LGALSL: variants seen among roughly 807,000 people sequenced by gnomAD.
LGALSL encodes the protein galectin-related protein.
LGALSL carries 13 observed loss-of-function variants against 19.5 expected under a neutral mutation model. The ratio of observed to expected loss-of-function variants is 0.67; its 90% CI spans 0.43 to 1.06. The LOEUF (loss-of-function observed/expected upper bound fraction) is 1.06. Ranked by LOEUF, LGALSL falls within the 50% of genes least tolerant of loss-of-function variation. LGALSL has a pLI of 0.00. For missense variants in LGALSL, 189 were observed against 219.3 expected, an observed-to-expected ratio of 0.86 and a Z score of 0.87; for synonymous variants, 86 against 78.3, an observed-to-expected ratio of 1.10 and a Z score of -0.52.
At position 64,454,472 on chromosome 2, in the gene LGALSL, G is replaced by T; in HGVS notation, c.-74G>T. 1.5e-6 allele frequency: 1 copy of T among 676,616 alleles called. No homozygotes were observed. The highest frequency in any genetic ancestry group is 1.9e-6 in the Non-Finnish European group (1 of 513,868). The allele number at this position is 676,616 out of a possible 1,614,324, so 41.9% of individuals were successfully genotyped here. Reference sequence around the variant, plus strand: ...AGCTCGGACCCGCGCCCCCGCCCCCGCCCCGCGCAGGACAGCCCCGGGATC... The same window carrying T: ...AGCTCGGACCCGCGCCCCCGCCCCCTCCCCGCGCAGGACAGCCCCGGGATC... On this transcript the variant is annotated 5_prime_UTR_variant, in exon 1 of 5. Transcript: ENST00000238875. The surrounding 1 kb of genome is among the most constrained non-coding windows in gnomAD (Gnocchi z 5.1).
At position 64,454,505 on chromosome 2, in the gene LGALSL, G is replaced by GCGCGCCGCGTCCCACGTAC; in HGVS notation, c.-39_-21dup. 1.5e-6 allele frequency: 2 copies of GCGCGCCGCGTCCCACGTAC among 1,318,410 alleles called. No homozygotes were observed. The highest frequency in any genetic ancestry group is 2.0e-6 in the Non-Finnish European group (2 of 1,023,522). 81.7% of individuals were successfully genotyped at this position (1,318,410 alleles called of 1,614,324 possible). A position where few individuals can be genotyped will look rare whatever the true frequency, so the allele number is the denominator to read the frequency against. On this transcript the variant is annotated 5_prime_UTR_variant, in exon 1 of 5. Transcript: ENST00000238875. This position sits in a 1 kb window ranked among gnomAD's most constrained non-coding sequence, Gnocchi z 5.1. ...CAGGACAGCCCCGGGATCCCCGCCC[G>GCGCGCCGCGTCCCACGTAC]CGCGCCGCGTCCCACGTACCCCGCC...
In LGALSL at chr2:64,454,253, C is replaced by T; in HGVS notation, c.-293C>T. Reference sequence around the variant, plus strand: ...CTCGCCACTTTTCTTGGTCGGGCAGCGGCAGCGGCAGCGGCAGCAAGCAGC... The same window carrying T: ...CTCGCCACTTTTCTTGGTCGGGCAGTGGCAGCGGCAGCGGCAGCAAGCAGC... On this transcript the variant is annotated 5_prime_UTR_variant, in exon 1 of 5. Transcript: ENST00000238875. The surrounding 1 kb of genome is among the most constrained non-coding windows in gnomAD (Gnocchi z 5.1). 2.8e-6 allele frequency: 1 copy of T among 363,332 alleles called. No individual in the cohort carries two copies. Among genetic ancestry groups the T allele is most frequent in the Non-Finnish European group, 4.8e-6 (1 of 209,696 alleles). The allele number at this position is 363,332 out of a possible 1,614,324, so 22.5% of individuals were successfully genotyped here. A position where few individuals can be genotyped will look rare whatever the true frequency, so the allele number is the denominator to read the frequency against.
chr2:64,454,580 T>G lies in LGALSL; in HGVS notation c.35T>G (p.Val12Gly), dbSNP rs770407776. 1.3e-5 allele frequency: 19 copies of G among 1,446,060 alleles called. No individual in the cohort carries two copies. The highest frequency in any genetic ancestry group is 9.6e-5 in the South Asian group (7 of 72,594). The allele number at this position is 1,446,060 out of a possible 1,614,324, so 89.6% of individuals were successfully genotyped here. A position where few individuals can be genotyped will look rare whatever the true frequency, so the allele number is the denominator to read the frequency against. The change falls in exon 1 of 5, where the codon GTG becomes GGG. Residue 12 changes from valine to glycine, a missense_variant and splice_region_variant. Physicochemically the swap from Val to Gly is moderately radical, Grantham distance 109. This residue lies in a region of LGALSL where 62 missense variants were observed against 49.0 expected (regional missense o/e 1.27). Transcript: ENST00000238875. The surrounding 1 kb of genome is among the most constrained non-coding windows in gnomAD (Gnocchi z 5.1). ...AGSVADSDAVVKLDDGHLNNS... is the reference protein window; with the variant it reads ...AGSVADSDAVGKLDDGHLNNS... Reference sequence around the variant, plus strand: ...TCAGTGGCCGACAGCGATGCCGTGGTGGTGAGTGTGGCAGGGCGCGCGCGA... The same window carrying G: ...TCAGTGGCCGACAGCGATGCCGTGGGGGTGAGTGTGGCAGGGCGCGCGCGA...
chr2:64,459,900 T>C lies in LGALSL; in HGVS notation c.*1472T>C, dbSNP rs886471815. 5 of 152,182 alleles carry C rather than the reference T, an allele frequency of 3.3e-5. No homozygotes were observed. The highest frequency in any genetic ancestry group is 7.4e-5 in the Non-Finnish European group (5 of 68,024). The allele number at this position is 152,182 out of a possible 1,614,324, so 9.4% of individuals were successfully genotyped here. A position where few individuals can be genotyped will look rare whatever the true frequency, so the allele number is the denominator to read the frequency against. ...CCTTGGCATTGCTTTGATCAGGTAG[T>C]GAGGGAAGACAGGGTTCTGGGGTGG... On this transcript the variant is annotated 3_prime_UTR_variant, in exon 5 of 5. Transcript: ENST00000238875.
In LGALSL at chr2:64,461,049, T is replaced by C. The variant is rs1201146534; in HGVS notation, c.*2621T>C. The C allele has an allele frequency of 2.6e-5, 4 of 152,170 alleles. No homozygotes were observed. The highest frequency in any genetic ancestry group is 6.5e-5 in the Admixed American group (1 of 15,272). The allele number at this position is 152,170 out of a possible 1,614,324, so 9.4% of individuals were successfully genotyped here. A position where few individuals can be genotyped will look rare whatever the true frequency, so the allele number is the denominator to read the frequency against. ...CCAGAAGTATTTTAAAATTATTATTTAAAATTTTGAAGCCCCATTTCAAAT... is the reference window on the plus strand; with the variant it reads ...CCAGAAGTATTTTAAAATTATTATTCAAAATTTTGAAGCCCCATTTCAAAT... On this transcript the variant is annotated 3_prime_UTR_variant, in exon 5 of 5. Transcript: ENST00000238875.
In LGALSL at chr2:64,456,206, GGAA is replaced by G. The variant is rs561686964; in HGVS notation, c.198-75_198-73del. 1.7e-4 allele frequency: 208 copies of G among 1,255,704 alleles called. No homozygotes were observed. The East Asian group carries it at 4.6e-3, about 28-fold the overall frequency. 77.8% of individuals were successfully genotyped at this position (1,255,704 alleles called of 1,614,324 possible). A position where few individuals can be genotyped will look rare whatever the true frequency, so the allele number is the denominator to read the frequency against. On this transcript the variant is annotated intron_variant, in intron 3 of 4. Transcript: ENST00000238875. ...CTTAAAAATGGACAAACCCAGAGGAGGAAGAAGAAATATAAGCACTTGGGTCAT... is the reference window on the plus strand; with the variant it reads ...CTTAAAAATGGACAAACCCAGAGGAGGAAGAAATATAAGCACTTGGGTCAT...
Position 64,454,912 on chromosome 2 carries a change from C to G in LGALSL, c.36+331C>G, listed in dbSNP as rs576475753. On this transcript the variant is annotated intron_variant, in intron 1 of 4. Transcript: ENST00000238875. This position sits in a 1 kb window ranked among gnomAD's most constrained non-coding sequence, Gnocchi z 5.1. ...CCGGGGCGCGCGCCCCGCCACCGCC[C>G]CCGACGTACCGGGGATTCCCCCTTG... Among the ~76,000 whole-genome samples the G allele has an allele frequency of 1.6e-4, 24 of 152,226 alleles. 1 individual carries two copies. In the East Asian group the frequency reaches 4.6e-3, roughly 29 times the overall value.
Position 64,456,860 on chromosome 2 carries a change from A to G in LGALSL, c.375+395A>G, listed in dbSNP as rs1572899557. Among the ~76,000 whole-genome samples the G allele has an allele frequency of 2.6e-5, 4 of 152,322 alleles. No individual in the cohort carries two copies. The South Asian group carries it at 8.3e-4, about 32-fold the overall frequency. ...GCTAATAAGTAGCTCTTTTATTTGT[A>G]TGACATTTTAAAGAATATGATGATG... On this transcript the variant is annotated intron_variant, in intron 4 of 4. Coordinates refer to ENST00000238875, the MANE Select transcript of LGALSL (RefSeq NM_014181.3).
At position 64,454,906 on chromosome 2, in the gene LGALSL, A is replaced by C. The variant is rs1038744214; in HGVS notation, c.36+325A>C. 2.0e-5 allele frequency among the ~76,000 whole-genome samples: 3 copies of C among 151,108 alleles called. No homozygotes were observed. The highest frequency in any genetic ancestry group is 7.3e-5 in the African/African-American group (3 of 41,046). On this transcript the variant is annotated intron_variant, in intron 1 of 4. Coordinates refer to ENST00000238875, the MANE Select transcript of LGALSL (RefSeq NM_014181.3). This position sits in a 1 kb window ranked among gnomAD's most constrained non-coding sequence, Gnocchi z 5.1. ...GTGTGTCCGGGGCGCGCGCCCCGCC[A>C]CCGCCCCCGACGTACCGGGGATTCC... is the stretch of plus-strand genomic sequence containing the variant.
rs1244349786 is a variant in LGALSL, at chr2:64,458,333, C to T, written c.424C>T (p.His142Tyr). The T allele has an allele frequency of 4.3e-6, 7 of 1,613,900 alleles. No individual in the cohort carries two copies. The highest frequency in any genetic ancestry group is 5.9e-6 in the Non-Finnish European group (7 of 1,179,798). ...HPRFRVFVDG[H>Y]QLFDFYHRIQ... ...ACGTTTCCGAGTGTTTGTGGATGGA[C>T]ACCAACTTTTTGATTTTTACCATCG... The change falls in exon 5 of 5, where the codon CAC becomes TAC. Residue 142 changes from histidine (H) to tyrosine (Y), a missense_variant. Physicochemically the swap from His to Tyr is moderately conservative, Grantham distance 83. This residue lies in a region of LGALSL where 106 missense variants were observed against 119.3 expected (regional missense o/e 0.89). Coordinates refer to ENST00000238875, the MANE Select transcript of LGALSL (RefSeq NM_014181.3).
chr2:64,458,524 G>A lies in LGALSL; in HGVS notation c.*96G>A, dbSNP rs1686771915. ...CTAGCAAGATCTGGAGACTTAAAAA[G>A]AAAACAAAAACAAATGGCAAGTTTC... is the stretch of plus-strand genomic sequence containing the variant. On this transcript the variant is annotated 3_prime_UTR_variant, in exon 5 of 5. Coordinates refer to ENST00000238875, the MANE Select transcript of LGALSL (RefSeq NM_014181.3). The A allele has an allele frequency of 7.8e-7, 1 of 1,280,476 alleles. No individual in the cohort carries two copies. The highest frequency in any genetic ancestry group is 1.1e-6 in the Non-Finnish European group (1 of 936,120). 79.3% of individuals were successfully genotyped at this position (1,280,476 alleles called of 1,614,324 possible).
chr2:64,459,525 T>C lies in LGALSL; in HGVS notation c.*1097T>C, dbSNP rs1686785166. Reference sequence around the variant, plus strand: ...TTAGCTCATTGTATAACTTTTCTTATGTGACCCTCACCAATATCCCTAAGT... The same window carrying C: ...TTAGCTCATTGTATAACTTTTCTTACGTGACCCTCACCAATATCCCTAAGT... On this transcript the variant is annotated 3_prime_UTR_variant, in exon 5 of 5. Coordinates refer to ENST00000238875, the MANE Select transcript of LGALSL (RefSeq NM_014181.3). 2.0e-5 allele frequency: 3 copies of C among 152,244 alleles called. No individual in the cohort carries two copies. The highest frequency in any genetic ancestry group is 6.5e-5 in the Admixed American group (1 of 15,284). 9.4% of individuals were successfully genotyped at this position (152,244 alleles called of 1,614,324 possible). A position where few individuals can be genotyped will look rare whatever the true frequency, so the allele number is the denominator to read the frequency against.
chr2:64,454,569 C>T lies in LGALSL; in HGVS notation c.24C>T (p.Ser8=), dbSNP rs777718605. Residue 8 remains serine, a synonymous_variant, in exon 1 of 5, where the codon AGC becomes AGT. Transcript: ENST00000238875. This position sits in a 1 kb window ranked among gnomAD's most constrained non-coding sequence, Gnocchi z 5.1. ...AGATGGCGGGATCAGTGGCCGACAGCGATGCCGTGGTGGTGAGTGTGGCAG... is the reference window on the plus strand; with the variant it reads ...AGATGGCGGGATCAGTGGCCGACAGTGATGCCGTGGTGGTGAGTGTGGCAG... MAGSVAD[S]DAVVKLDDGH... 3.4e-6 allele frequency: 5 copies of T among 1,452,274 alleles called. No individual in the cohort carries two copies. The highest frequency in any genetic ancestry group is 3.0e-5 in the East Asian group (1 of 33,686). 90.0% of individuals were successfully genotyped at this position (1,452,274 alleles called of 1,614,324 possible). A position where few individuals can be genotyped will look rare whatever the true frequency, so the allele number is the denominator to read the frequency against.
chr2:64,457,552 C>A (rs1375634383), intron 4 of LGALSL, among the ~76,000 whole-genome samples: 1 of 152,210 alleles, frequency 6.6e-6, no homozygotes, highest in African/African-American at 2.4e-5. Context: ...CTCCATGTTA[C>A]ATGTGAGCCC....
At position 64,459,350 on chromosome 2, in the gene LGALSL, CAAA is replaced by C. The variant is rs1686782737; in HGVS notation, c.*923_*925del. On this transcript the variant is annotated 3_prime_UTR_variant, in exon 5 of 5. Coordinates refer to ENST00000238875, the MANE Select transcript of LGALSL (RefSeq NM_014181.3). The stretch of plus-strand genomic sequence containing the variant: ...ATTAAGTTGTTATTAATCAAAAACA[CAAA>C]GAGGTGATTGCTTAGACAATTTTTA... 6.6e-6 allele frequency: 1 copy of C among 152,064 alleles called. No homozygotes were observed. Among genetic ancestry groups the C allele is most frequent in the African/African-American group, 2.4e-5 (1 of 41,398 alleles). The allele number at this position is 152,064 out of a possible 1,614,324, so 9.4% of individuals were successfully genotyped here.
At chr2:64,455,202 T>C (rs939874905) in intron 1 of LGALSL, 142 bp from the exon 2 acceptor site, 19 of 691,032 alleles carry the variant, frequency 2.7e-5, no homozygotes, top group Admixed American at 6.6e-5. Flanking sequence ...TGAGATTATC[T>C]AAGAGACGGT....
In LGALSL at chr2:64,458,449, A is replaced by C. The variant is rs1243428554; in HGVS notation, c.*21A>C. Reference sequence around the variant, plus strand: ...GCTGATTTAAACCACCTCTATTTCAAATAGGATCACGTGCCACAACTATCT... The same window carrying C: ...GCTGATTTAAACCACCTCTATTTCACATAGGATCACGTGCCACAACTATCT... On this transcript the variant is annotated 3_prime_UTR_variant, in exon 5 of 5. Coordinates refer to ENST00000238875, the MANE Select transcript of LGALSL (RefSeq NM_014181.3). 6.2e-7 allele frequency: 1 copy of C among 1,606,814 alleles called. No homozygotes were observed. The highest frequency in any genetic ancestry group is 8.5e-7 in the Non-Finnish European group (1 of 1,175,106).
chr2:64,454,493 G>A lies in LGALSL; in HGVS notation c.-53G>A. The stretch of plus-strand genomic sequence containing the variant: ...CCCCGCCCCGCGCAGGACAGCCCCG[G>A]GATCCCCGCCCGCGCGCCGCGTCCC... On this transcript the variant is annotated 5_prime_UTR_variant, in exon 1 of 5. Coordinates refer to ENST00000238875, the MANE Select transcript of LGALSL (RefSeq NM_014181.3). The surrounding 1 kb of genome is among the most constrained non-coding windows in gnomAD (Gnocchi z 5.1). 7.9e-7 allele frequency: 1 copy of A among 1,259,576 alleles called. No homozygotes were observed. The highest frequency in any genetic ancestry group is 1.9e-5 in the South Asian group (1 of 53,298). 78.0% of individuals were successfully genotyped at this position (1,259,576 alleles called of 1,614,324 possible).
Position 64,456,357 on chromosome 2 carries a change from T to G in LGALSL, c.267T>G (p.Ala89=). 1 of 1,612,476 alleles carries G rather than the reference T, an allele frequency of 6.2e-7. No individual in the cohort carries two copies. Among genetic ancestry groups the G allele is most frequent in the Non-Finnish European group, 8.5e-7 (1 of 1,179,316 alleles). The change falls in exon 4 of 5, where the codon GCT becomes GCG. Residue 89 remains alanine, a synonymous_variant. Coordinates refer to ENST00000238875, the MANE Select transcript of LGALSL (RefSeq NM_014181.3). The part of the protein sequence containing the change: ...PPADVAIELK[A]VFTDRQLLRN... ...CCGATGTGGCAATCGAACTCAAAGC[T>G]GTGTTCACAGATCGGCAGCTACTCA...
Sources: gnomAD v4.1 joint callset for allele counts (sites outside exome capture counted in the v4.1 genomes callset) on GRCh38, gnomAD v4.1.1 for gene constraint, gnomAD v4.1.1 regional missense constraint, Gnocchi (gnomAD v3.1) non-coding constraint, MANE v1.5 for transcripts, NCBI Gene and HGNC (gene_info 2026-07-23, HGNC 2026-07-21) for gene names.